LYST: variants seen among roughly 807,000 people sequenced by gnomAD.
LYST encodes the protein lysosomal trafficking regulator.
In LYST, 192 loss-of-function variants were observed where a neutral mutation model predicts 413.6. That is an observed-to-expected ratio of 0.46 (90% CI 0.41 to 0.52). The LOEUF is 0.52. LYST is among the 20% of genes least tolerant of loss of function. The pLI is 0.00. For synonymous variants in LYST, 1,525 were observed against 1,567.3 expected, an observed-to-expected ratio of 0.97 and a Z score of 0.64; for missense variants, 3,815 against 4,499.9, an observed-to-expected ratio of 0.85 and a Z score of 4.35.
chr1:235,663,126 TGTATTAGC>T, intron 52 of LYST, 48 bp from the exon 53 acceptor site: 2 of 1,301,624 alleles, frequency 1.5e-6, no homozygotes, highest in Non-Finnish European at 2.2e-6. Context: ...TTCTTAAAAG[TGTATTAGC>T]ATATTGGTCA....
At chr1:235,702,725 G>A (rs147918254) in intron 45 of LYST, 22 bp downstream of exon 45, 3 of 1,597,700 alleles carry the variant, frequency 1.9e-6, no homozygotes, top group Non-Finnish European at 1.7e-6. Flanking sequence ...TGCTGCACTC[G>A]ATTGAAATCC....
At chr1:235,714,022 T>C (rs1413387690) in intron 42 of LYST, among the ~76,000 whole-genome samples, 2 of 152,146 alleles carry the variant, frequency 1.3e-5, no homozygotes, top group African/African-American at 2.4e-5. Flanking sequence ...AGGGAGGTAA[T>C]AGTTCTGTTA....
intron 1 of LYST, among the ~76,000 whole-genome samples, chr1:235,857,795 A>ATAT (rs1435690041): frequency 1.3e-5 from 2 of 150,740 alleles, no homozygotes; most frequent in South Asian, 2.1e-4. Flanking sequence ...ATATATATAT[A>ATAT]AAATTTCACA....
rs554198913 is a variant in LYST at position 235,837,589 on chromosome 1, C to T, written c.-97-3922G>A. Among the ~76,000 whole-genome samples the T allele has an allele frequency of 3.8e-4, 57 of 149,712 alleles. No homozygotes were observed. In the South Asian group the frequency reaches 9.7e-3, roughly 26 times the overall value. On this transcript the variant is annotated intron_variant, in intron 1 of 52. Coordinates refer to ENST00000389793, the MANE Select transcript of LYST (RefSeq NM_000081.4). ...TTGCAGTGAGCTGAGATTGAGCCAC[C>T]GCATACCAGCCTGGGTAAGAGTGAG... is the stretch of plus-strand genomic sequence containing the variant.
At chr1:235,682,975 G>A (rs948354715) in intron 48 of LYST, among the ~76,000 whole-genome samples, 2 of 152,122 alleles carry the variant, frequency 1.3e-5, no homozygotes, top group African/African-American at 4.8e-5. Context: ...TAAAGTTTTA[G>A]GTCATTCTCC....
Position 235,662,517 on chromosome 1 carries a change from T to C in LYST, c.*423A>G, listed in dbSNP as rs1359294665. ...GCATGTGTGTGTGGTGGGAGGAGTA[T>C]TTCATGGCAGTAAACTTTTAAAATA... is the stretch of plus-strand genomic sequence containing the variant. On this transcript the variant is annotated 3_prime_UTR_variant, in exon 53 of 53. Transcript: ENST00000389793. The C allele has an allele frequency of 4.2e-6, 1 of 236,662 alleles. No homozygotes were observed. The highest frequency in any genetic ancestry group is 2.3e-5 in the African/African-American group (1 of 43,138). 14.7% of individuals were successfully genotyped at this position (236,662 alleles called of 1,614,324 possible).
intron 3 of LYST, chr1:235,828,633 G>A (rs1297085037): frequency 3.0e-6 from 1 of 331,382 alleles, no homozygotes; most frequent in East Asian, 1.7e-4. Context: ...CAGAAGTACT[G>A]TACATATTTT....
chr1:235,791,719 T>C lies in LYST; in HGVS notation c.4523A>G (p.Asp1508Gly). The C allele has an allele frequency of 6.2e-7, 1 of 1,612,132 alleles. No individual in the cohort carries two copies. The highest frequency in any genetic ancestry group is 8.5e-7 in the Non-Finnish European group (1 of 1,178,486). Reference sequence around the variant, plus strand: ...CATACCTGTACCATCAAAACTGCTATCTGGTAAAATTAATGATTTGTTTCT... The same window carrying C: ...CATACCTGTACCATCAAAACTGCTACCTGGTAAAATTAATGATTTGTTTCT... ...KKRNKSLILP[D>G]SSFDGTESDR... The change falls in exon 12 of 53, where the codon GAT (aspartate) becomes GGT (glycine). Residue 1508 changes from aspartate (D) to glycine (G), a missense_variant. Physicochemically the swap from Asp to Gly is moderately conservative, Grantham distance 94. Transcript: ENST00000389793.
intron 3 of LYST, among the ~76,000 whole-genome samples, chr1:235,823,029 T>C (rs2102962065): frequency 6.6e-6 from 1 of 152,302 alleles, no homozygotes; most frequent in South Asian, 2.1e-4. Flanking sequence ...ATGCCAGAAC[T>C]GCCAACTCAA....
At chr1:235,863,315 C>T (rs1680120524) in intron 1 of LYST, among the ~76,000 whole-genome samples, 1 of 152,082 alleles carries the variant, frequency 6.6e-6, no homozygotes, top group Non-Finnish European at 1.5e-5. Context: ...TTGGCTGAAC[C>T]TGGGAGGTGG....
chr1:235,787,372 C>A lies in LYST; in HGVS notation c.4690G>T (p.Val1564Leu). 6.2e-7 allele frequency: 1 copy of A among 1,613,310 alleles called. No homozygotes were observed. The highest frequency in any genetic ancestry group is 8.5e-7 in the Non-Finnish European group (1 of 1,179,472). Residue 1564 changes from valine (V) to leucine (L), a missense_variant and splice_region_variant, in exon 14 of 53, where the codon GTG becomes TTG. Coordinates refer to ENST00000389793, the MANE Select transcript of LYST (RefSeq NM_000081.4). ...ATGTCATCATTTGAATCCATGCACA[C>A]ACTACAGAAAAAGAGAAAAGGCATA... ...DPHNATLIFR[V>L]CMDSNDDMKA...
intron 14 of LYST, among the ~76,000 whole-genome samples, chr1:235,782,840 T>G (rs1448365319): frequency 6.6e-6 from 1 of 152,212 alleles, no homozygotes; most frequent in Non-Finnish European, 1.5e-5. Context: ...AAACATAACT[T>G]CTTCAAAATT....
rs2103372866 is a variant in LYST at position 235,762,781 on chromosome 1, G to A, written c.6192C>T (p.Ser2064=). ...YLRHSSSGGR[S]LMSPGFMVIS... ...TTACCATAAATCCAGGGCTCATAAG[G>A]GACCTTCCTCCACTGCTGGAATGCC... The change falls in exon 22 of 53, where the codon TCC becomes TCT. Residue 2064 remains serine, a synonymous_variant. Transcript: ENST00000389793. 5 of 1,612,888 alleles carry A rather than the reference G, an allele frequency of 3.1e-6. No individual in the cohort carries two copies. Among genetic ancestry groups the A allele is most frequent in the Middle Eastern group, 3.3e-4 (2 of 6,054 alleles).
chr1:235,767,950 C>T (rs919229068), intron 20 of LYST, among the ~76,000 whole-genome samples: 1 of 152,080 alleles, frequency 6.6e-6, no homozygotes, highest in African/African-American at 2.4e-5. Flanking sequence ...TTTCACTTTA[C>T]TGAGTCTCCT....
chr1:235,728,743 G>A lies in LYST; in HGVS notation c.9107-612C>T, dbSNP rs1055624670. On this transcript the variant is annotated intron_variant, in intron 37 of 52. Transcript: ENST00000389793. ...CCTCGAGTAGTGAAGTAGTGAAGTAGTGAAGTAGTGGCATGGCTAGCTCAG... is the reference window on the plus strand; with the variant it reads ...CCTCGAGTAGTGAAGTAGTGAAGTAATGAAGTAGTGGCATGGCTAGCTCAG... Among the ~76,000 whole-genome samples the A allele has an allele frequency of 2.6e-5, 4 of 152,192 alleles. No individual in the cohort carries two copies. The South Asian group carries it at 8.3e-4, about 32-fold the overall frequency.
chr1:235,804,335 T>C (rs1257402063), intron 7 of LYST, among the ~76,000 whole-genome samples, 169 bp downstream of exon 7: 1 of 152,198 alleles, frequency 6.6e-6, no homozygotes, highest in East Asian at 1.9e-4. Context: ...GACAAAATAC[T>C]GTCCATCCCA....
At chr1:235,757,212 T>A (rs1422533271) in intron 24 of LYST, 69 bp downstream of exon 24, 12 of 1,057,088 alleles carry the variant, frequency 1.1e-5, no homozygotes, top group African/African-American at 1.6e-5. Context: ...ATGTATATAC[T>A]CAAAATTTTA....
At chr1:235,838,110 G>A (rs1676765533) in intron 1 of LYST, among the ~76,000 whole-genome samples, 2 of 152,120 alleles carry the variant, frequency 1.3e-5, no homozygotes, top group East Asian at 3.9e-4. Flanking sequence ...TTTGGCAATA[G>A]GAGGACCAAG....
chr1:235,663,151 T>A (rs1658169161), intron 52 of LYST, 73 bp from the exon 53 acceptor site: 1 of 1,033,626 alleles, frequency 9.7e-7, no homozygotes, highest in Non-Finnish European at 1.5e-6. Context: ...GTCATCATAC[T>A]GAGGTTAGTG....
Sources: gnomAD v4.1 joint callset for allele counts (sites outside exome capture counted in the v4.1 genomes callset) on GRCh38, gnomAD v4.1.1 for gene constraint, MANE v1.5 for transcripts, NCBI Gene and HGNC (gene_info 2026-07-23, HGNC 2026-07-21) for gene names.